KCNT2: variants seen among roughly 807,000 people sequenced by gnomAD.
The protein encoded by KCNT2 is potassium channel subfamily T member 2.
Under a neutral mutation model 153.8 loss-of-function variants are expected in KCNT2, and 67 were observed. The observed-to-expected ratio is 0.44, with a 90% CI of 0.36 to 0.53. The LOEUF (loss-of-function observed/expected upper bound fraction) is 0.53. Among genes scored for constraint, KCNT2 ranks in the 20% least tolerant of loss-of-function variants. The pLI, the probability that KCNT2 is intolerant of heterozygous loss-of-function variation, is 0.00. For missense variants in KCNT2, 975 were observed against 1,354.8 expected, an observed-to-expected ratio of 0.72 and a Z score of 4.40; for synonymous variants, 500 against 458.8, an observed-to-expected ratio of 1.09 and a Z score of -1.15.
At chr1:196,558,023 C>T (rs1658905587) in intron 1 of KCNT2, among the ~76,000 whole-genome samples, 1 of 151,344 alleles carries the variant, frequency 6.6e-6, no homozygotes. Context: ...TTTTATCTCA[C>T]TGTTGTCATC....
At chr1:196,376,720 TA>T (rs902407611) in intron 13 of KCNT2, among the ~76,000 whole-genome samples, 21 of 152,034 alleles carry the variant, frequency 1.4e-4, no homozygotes, top group African/African-American at 5.1e-4. Flanking sequence ...TAAATTTTAT[TA>T]AACCAATTAA....
At chr1:196,477,463 G>A (rs751387717) in intron 5 of KCNT2, among the ~76,000 whole-genome samples, 4 of 151,930 alleles carry the variant, frequency 2.6e-5, no homozygotes, top group Non-Finnish European at 5.9e-5. Flanking sequence ...CAGTGTGCAC[G>A]TATAGTCTCA....
At chr1:196,418,125 T>C (rs1672899408) in intron 12 of KCNT2, among the ~76,000 whole-genome samples, 1 of 152,056 alleles carries the variant, frequency 6.6e-6, no homozygotes, top group Non-Finnish European at 1.5e-5. Flanking sequence ...CATTTGTTAG[T>C]TTTCTAACCA....
chr1:196,425,517 T>TCCAA (rs1673582844), intron 11 of KCNT2, among the ~76,000 whole-genome samples: 2 of 151,974 alleles, frequency 1.3e-5, no homozygotes, highest in Non-Finnish European at 2.9e-5. Flanking sequence ...TTCGGGGATT[T>TCCAA]GGAGACTACT....
Position 196,228,079 on chromosome 1 carries a change from A to G in KCNT2, c.*145T>C, listed in dbSNP as rs982504398. Reference sequence around the variant, plus strand: ...AGTAAGTAGTACATTAAGTTTCAAAATGATCTATACTTCTAAGAGAAGAGA... The same window carrying G: ...AGTAAGTAGTACATTAAGTTTCAAAGTGATCTATACTTCTAAGAGAAGAGA... On this transcript the variant is annotated 3_prime_UTR_variant, in exon 28 of 28. Transcript: ENST00000294725. 78 of 564,810 alleles carry G rather than the reference A, an allele frequency of 1.4e-4. No homozygotes were observed. Among genetic ancestry groups the G allele is most frequent in the Admixed American group, 3.4e-5 (1 of 29,348 alleles). The allele number at this position is 564,810 out of a possible 1,614,324, so 35.0% of individuals were successfully genotyped here.
intron 22 of KCNT2, among the ~76,000 whole-genome samples, chr1:196,291,348 A>G (rs944973136): frequency 5.3e-5 from 8 of 151,894 alleles, no homozygotes; most frequent in Admixed American, 2.0e-4. Flanking sequence ...CAGAGAGGAA[A>G]AAAAGATTTT....
intron 1 of KCNT2, among the ~76,000 whole-genome samples, chr1:196,593,295 A>ATATAT (rs369191349): frequency 5.4e-5 from 7 of 128,820 alleles, no homozygotes; most frequent in Non-Finnish European, 8.1e-5. Context: ...TCATATATAT[A>ATATAT]ATATATATAT....
chr1:196,602,827 C>T (rs954976981), intron 1 of KCNT2, among the ~76,000 whole-genome samples: 5 of 126,624 alleles, frequency 3.9e-5, no homozygotes, highest in Admixed American at 1.0e-4. Flanking sequence ...TCGCCCAGGC[C>T]GGACTGCGGA....
intron 1 of KCNT2, among the ~76,000 whole-genome samples, chr1:196,506,865 T>G (rs952389141): frequency 6.6e-6 from 1 of 152,184 alleles, no homozygotes; most frequent in African/African-American, 2.4e-5. Context: ...TGTAATTATT[T>G]TTAGTCAAAG....
At position 196,414,129 on chromosome 1, in the gene KCNT2, T is replaced by A. The variant is rs578166954; in HGVS notation, c.1185+8921A>T. 5.3e-5 allele frequency among the ~76,000 whole-genome samples: 8 copies of A among 151,670 alleles called. No homozygotes were observed. In the South Asian group the frequency reaches 1.7e-3, roughly 31 times the overall value. On this transcript the variant is annotated intron_variant, in intron 12 of 27. Coordinates refer to ENST00000294725, the MANE Select transcript of KCNT2 (RefSeq NM_198503.5). ...TGCATCAGATTGATTTAGAACAATATTGAGGAAAATCACTTCAAAGTTATG... is the reference window on the plus strand; with the variant it reads ...TGCATCAGATTGATTTAGAACAATAATGAGGAAAATCACTTCAAAGTTATG...
At chr1:196,382,512 A>T (rs1436226566) in intron 13 of KCNT2, among the ~76,000 whole-genome samples, 1 of 152,142 alleles carries the variant, frequency 6.6e-6, no homozygotes. Flanking sequence ...AAGAAACGGA[A>T]ATGTTTACAC....
In KCNT2 at chr1:196,228,206, T is replaced by C. The variant is rs1373692387; in HGVS notation, c.*18A>G. On this transcript the variant is annotated 3_prime_UTR_variant, in exon 28 of 28. Transcript: ENST00000294725. ...AAGCAAGGTCTTTGTAGGAAAAAAG[T>C]TTCTCATTTTATTTTTATCAAAGTT... is the stretch of plus-strand genomic sequence containing the variant. The C allele has an allele frequency of 2.7e-6, 4 of 1,499,778 alleles. No individual in the cohort carries two copies. Among genetic ancestry groups the C allele is most frequent in the Non-Finnish European group, 3.7e-6 (4 of 1,081,252 alleles). The allele number at this position is 1,499,778 out of a possible 1,614,324, so 92.9% of individuals were successfully genotyped here. A position where few individuals can be genotyped will look rare whatever the true frequency, so the allele number is the denominator to read the frequency against.
intron 27 of KCNT2, among the ~76,000 whole-genome samples, chr1:196,231,759 G>A: frequency 6.6e-6 from 1 of 151,682 alleles, no homozygotes; most frequent in East Asian, 1.9e-4. Context: ...CAAAAACAAA[G>A]GTAGGAAACA....
chr1:196,508,250 C>G (rs909905196), intron 1 of KCNT2, among the ~76,000 whole-genome samples: 2 of 144,900 alleles, frequency 1.4e-5, no homozygotes, highest in Admixed American at 6.9e-5. Context: ...GGATCTCTAT[C>G]TCACAGTATA....
At chr1:196,380,371 GTCT>G (rs755095579) in intron 13 of KCNT2, among the ~76,000 whole-genome samples, 44 of 152,272 alleles carry the variant, frequency 2.9e-4, no homozygotes, top group Middle Eastern at 3.4e-3. Flanking sequence ...AATCAAAATT[GTCT>G]TCAAGTCCCT....
At chr1:196,538,091 G>T (rs1427958994) in intron 1 of KCNT2, among the ~76,000 whole-genome samples, 1 of 151,868 alleles carries the variant, frequency 6.6e-6, no homozygotes, top group Non-Finnish European at 1.5e-5. Context: ...TCAGGGACTG[G>T]GTGTGTACTT....
At chr1:196,452,579 A>C (rs749195553) in intron 8 of KCNT2, among the ~76,000 whole-genome samples, 3 of 151,950 alleles carry the variant, frequency 2.0e-5, no homozygotes, top group African/African-American at 7.2e-5. Context: ...CTATGTCTGC[A>C]AACTGAAATT....
Position 196,527,955 on chromosome 1 carries a change from C to T in KCNT2, c.96-35614G>A, listed in dbSNP as rs181775660. Among the ~76,000 whole-genome samples the T allele has an allele frequency of 9.8e-4, 149 of 152,282 alleles. 5 individuals are homozygous for T. The highest frequency in any genetic ancestry group is 9.6e-3 in the Admixed American group (147 of 15,296). On this transcript the variant is annotated intron_variant, in intron 1 of 27. Transcript: ENST00000294725. ...CTAGCCTCAAATTGCTTTCAGTTAA[C>T]TATCTCTAATAAGCATTTTTGATAA...
intron 1 of KCNT2, among the ~76,000 whole-genome samples, chr1:196,503,260 G>T (rs765238153): frequency 2.6e-5 from 4 of 151,424 alleles, no homozygotes; most frequent in Non-Finnish European, 4.4e-5. Flanking sequence ...CACACAAAAG[G>T]CCTCAAAGGT....
Sources: gnomAD v4.1 joint callset for allele counts (sites outside exome capture counted in the v4.1 genomes callset) on GRCh38, gnomAD v4.1.1 for gene constraint, MANE v1.5 for transcripts, NCBI Gene and HGNC (gene_info 2026-07-23, HGNC 2026-07-21) for gene names.